LRBA: variants seen among roughly 807,000 people sequenced by gnomAD.
The protein encoded by LRBA is lipopolysaccharide-responsive and beige-like anchor protein.
Under a neutral mutation model 330.0 loss-of-function variants are expected in LRBA, and 176 were observed. That is an observed-to-expected ratio of 0.53 (90% CI 0.47 to 0.60). The LOEUF is 0.60. LRBA is among the 20% of genes least tolerant of loss of function. The pLI is 0.00. For missense variants in LRBA, 3,259 were observed against 3,444.8 expected, an observed-to-expected ratio of 0.95 and a Z score of 1.35; for synonymous variants, 1,230 against 1,193.0, an observed-to-expected ratio of 1.03 and a Z score of -0.64.
At chr4:150,628,954 G>A (rs1777109976) in intron 37 of LRBA, among the ~76,000 whole-genome samples, 1 of 152,184 alleles carries the variant, frequency 6.6e-6, no homozygotes, top group Non-Finnish European at 1.5e-5. Flanking sequence ...CTTGACTGTA[G>A]TGGCTTGATG....
rs147102160 is a variant in LRBA at position 150,805,165 on chromosome 4, G to A, written c.5518+1106C>T. Among the ~76,000 whole-genome samples the A allele has an allele frequency of 6.9e-4, 98 of 141,856 alleles. 1 individual carries two copies. Among genetic ancestry groups the A allele is most frequent in the Non-Finnish European group, 4.5e-4 (30 of 66,320 alleles). The allele number at this position is 141,856 out of a possible 152,430, so 93.1% of individuals were successfully genotyped here. ...CTCACTACATGGCAATGCTCCATGC[G>A]CAAAAAGAAAAAAAAAAGGAAGGAA... On this transcript the variant is annotated intron_variant, in intron 33 of 56. Transcript: ENST00000651943.
chr4:150,828,378 C>CTA lies in LRBA; in HGVS notation c.4971_4972dup (p.Arg1658IlefsTer22). The stretch of plus-strand genomic sequence containing the variant: ...AGCCTTAGTGTCCAAGTCATTTCCT[C>CTA]TATCATTTTTGGTTTCCGGAGACTT... On this transcript the variant is annotated frameshift_variant, in exon 30 of 57. Coordinates refer to ENST00000651943, the MANE Select transcript of LRBA (RefSeq NM_001364905.1). LOFTEE classifies it high-confidence loss of function. 6.2e-7 allele frequency: 1 copy of CTA among 1,614,060 alleles called. No individual in the cohort carries two copies. Among genetic ancestry groups the CTA allele is most frequent in the Non-Finnish European group, 8.5e-7 (1 of 1,179,990 alleles).
In LRBA at chr4:150,752,640, G is replaced by A. The variant is rs1733714642; in HGVS notation, c.5645+9143C>T. On this transcript the variant is annotated intron_variant, in intron 35 of 56. Coordinates refer to ENST00000651943, the MANE Select transcript of LRBA (RefSeq NM_001364905.1). ...TATGCTTTATTAGACTTTAAATGGA[G>A]ATAGCAAATACTCCATAAAGTTATT... 2.0e-5 allele frequency among the ~76,000 whole-genome samples: 3 copies of A among 151,964 alleles called. No homozygotes were observed. In the South Asian group the frequency reaches 6.2e-4, roughly 32 times the overall value.
chr4:150,459,652 T>A (rs917784627), intron 44 of LRBA, among the ~76,000 whole-genome samples: 1 of 151,908 alleles, frequency 6.6e-6, no homozygotes, highest in Admixed American at 6.6e-5. Context: ...TCCCTCACAA[T>A]CCTACAAATA....
At chr4:150,508,479 G>T (rs1447368991) in intron 40 of LRBA, among the ~76,000 whole-genome samples, 2 of 152,004 alleles carry the variant, frequency 1.3e-5, no homozygotes, top group African/African-American at 2.4e-5. Context: ...AGTAGAGGCG[G>T]GGTTTCACCA....
intron 33 of LRBA, among the ~76,000 whole-genome samples, chr4:150,805,571 GAAA>G (rs1560842699): frequency 8.3e-6 from 1 of 120,292 alleles, no homozygotes; most frequent in Non-Finnish European, 1.6e-5. Flanking sequence ...GAAAGGAAAG[GAAA>G]GGAAAGGAAA....
At chr4:150,631,480 C>CA (rs1777371987) in intron 37 of LRBA, among the ~76,000 whole-genome samples, 1 of 152,106 alleles carries the variant, frequency 6.6e-6, no homozygotes, top group Admixed American at 6.5e-5. Flanking sequence ...AAGCAAACCA[C>CA]AAGACCCTCT....
At chr4:150,273,802 T>A (rs189145647) in intron 56 of LRBA, among the ~76,000 whole-genome samples, 61 of 152,182 alleles carry the variant, frequency 4.0e-4, no homozygotes, top group Middle Eastern at 3.4e-3. Flanking sequence ...GCACCCAGAT[T>A]CATAAAGCAA....
At chr4:150,842,101 T>G (rs1007982217) in intron 28 of LRBA, among the ~76,000 whole-genome samples, 2 of 152,240 alleles carry the variant, frequency 1.3e-5, no homozygotes, top group African/African-American at 4.8e-5. Flanking sequence ...AAATTATTTA[T>G]GACTTTCAGT....
intron 2 of LRBA, among the ~76,000 whole-genome samples, chr4:150,936,276 A>T (rs530858879): frequency 1.3e-5 from 2 of 152,242 alleles, no homozygotes; most frequent in East Asian, 3.9e-4. Flanking sequence ...TCAGCAGCAG[A>T]TGCCAATGAT....
At chr4:150,588,638 T>C (rs1249739509) in intron 39 of LRBA, among the ~76,000 whole-genome samples, 2 of 152,232 alleles carry the variant, frequency 1.3e-5, no homozygotes. Flanking sequence ...ATCACTAGCT[T>C]ATTAATGAAG....
intron 48 of LRBA, among the ~76,000 whole-genome samples, chr4:150,335,822 A>G (rs1425511850): frequency 2.0e-5 from 3 of 152,028 alleles, no homozygotes; most frequent in African/African-American, 7.2e-5. Context: ...TCAGCCTCTG[A>G]GTAGCAGGGA....
intron 2 of LRBA, among the ~76,000 whole-genome samples, chr4:150,974,696 T>C (rs1441585398): frequency 6.6e-6 from 1 of 152,088 alleles, no homozygotes; most frequent in African/African-American, 2.4e-5. Flanking sequence ...CCAGACAAAC[T>C]GGAAAAAGGC....
At chr4:150,910,514 G>A (rs1560993815) in intron 9 of LRBA, among the ~76,000 whole-genome samples, 1 of 152,116 alleles carries the variant, frequency 6.6e-6, no homozygotes, top group Non-Finnish European at 1.5e-5. Context: ...ACTCTATTGT[G>A]TTCCCTTGGC....
intron 48 of LRBA, among the ~76,000 whole-genome samples, chr4:150,333,604 A>G (rs1029984709): frequency 6.6e-6 from 1 of 152,166 alleles, no homozygotes; most frequent in Non-Finnish European, 1.5e-5. Flanking sequence ...CTACTGTGGT[A>G]TCATACCATT....
At chr4:150,515,706 T>A (rs959684081) in intron 40 of LRBA, among the ~76,000 whole-genome samples, 1 of 152,072 alleles carries the variant, frequency 6.6e-6, no homozygotes, top group African/African-American at 2.4e-5. Context: ...GTACTCCAAA[T>A]GATTAACGGA....
chr4:150,590,302 A>C (rs1170406712), intron 39 of LRBA, among the ~76,000 whole-genome samples: 1 of 150,426 alleles, frequency 6.6e-6, no homozygotes, highest in Non-Finnish European at 1.5e-5. Context: ...CATATACAGC[A>C]TGTTCACTAA....
intron 37 of LRBA, among the ~76,000 whole-genome samples, chr4:150,604,707 T>G (rs932429043): frequency 3.3e-5 from 5 of 152,272 alleles, no homozygotes; most frequent in African/African-American, 1.2e-4. Context: ...TCAAAATTTT[T>G]GTAAATAACA....
At chr4:150,716,670 G>GA (rs1728242399) in intron 36 of LRBA, among the ~76,000 whole-genome samples, 2 of 151,990 alleles carry the variant, frequency 1.3e-5, no homozygotes, top group Non-Finnish European at 2.9e-5. Context: ...TACTTAAGAG[G>GA]AAAATTGAAT....
Sources: allele counts gnomAD v4.1 joint callset (sites outside exome capture counted in the v4.1 genomes callset), GRCh38; gene constraint gnomAD v4.1.1; transcripts MANE v1.5; gene names NCBI Gene and HGNC (gene_info 2026-07-23, HGNC 2026-07-21).